SLC7A14: variants seen among roughly 807,000 people sequenced by gnomAD.
SLC7A14 encodes solute carrier family 7 member 14, also known as gamma-aminobutyric acid transporter SLC7A14.
A neutral mutation model predicts 60.2 loss-of-function variants in SLC7A14; 37 were observed. The ratio of observed to expected loss-of-function variants is 0.61; its 90% CI spans 0.47 to 0.81. The LOEUF is 0.81. SLC7A14 is among the 30% of genes least tolerant of loss of function. The pLI is 0.00. For missense variants in SLC7A14, 886 were observed against 982.7 expected (o/e 0.90, Z 1.32); for synonymous variants, 399 against 395.8 (o/e 1.01, Z -0.10).
At chr3:170,470,332 GTGTGTGTA>G (rs1287020690) in intron 7 of SLC7A14, among the ~76,000 whole-genome samples, 11 of 151,676 alleles carry the variant, frequency 7.3e-5, no homozygotes, top group Admixed American at 7.2e-4. Context: ...GTGTGTGTGT[GTGTGTGTA>G]TGTGTGTGTG....
At chr3:170,498,616 G>A (rs756248516) in intron 4 of SLC7A14, 51 bp downstream of exon 4, 4 of 1,566,404 alleles carry the variant, frequency 2.6e-6, no homozygotes, top group East Asian at 4.5e-5. Context: ...TGGTCACAGG[G>A]TAGAAGGCAG....
intron 5 of SLC7A14, 139 bp downstream of exon 5, chr3:170,486,083 T>G: frequency 2.8e-6 from 3 of 1,082,048 alleles, no homozygotes; most frequent in East Asian, 2.6e-5. Flanking sequence ...TTTCTTGTCA[T>G]GGGGAGTGGG....
At chr3:170,529,257 T>C (rs954294839) in intron 1 of SLC7A14, among the ~76,000 whole-genome samples, 1 of 152,222 alleles carries the variant, frequency 6.6e-6, no homozygotes, top group Admixed American at 6.5e-5. Flanking sequence ...TGAATGGACA[T>C]ATATATATGT....
intron 4 of SLC7A14, among the ~76,000 whole-genome samples, chr3:170,486,850 C>T (rs867298537): frequency 9.6e-5 from 13 of 136,114 alleles, no homozygotes; most frequent in Non-Finnish European, 1.5e-4. Context: ...CCAGCCTCGG[C>T]GACAGAGGGA....
intron 2 of SLC7A14, among the ~76,000 whole-genome samples, chr3:170,520,647 AT>A (rs1312142473): frequency 1.3e-5 from 2 of 152,234 alleles, no homozygotes; most frequent in Non-Finnish European, 1.5e-5. Context: ...CTGTGTATGC[AT>A]ACTGTTGTTG....
chr3:170,529,327 A>G (rs1713605557), intron 1 of SLC7A14, among the ~76,000 whole-genome samples: 1 of 152,216 alleles, frequency 6.6e-6, no homozygotes. Context: ...TGTTTTGCTT[A>G]ACAATATGTT....
intron 2 of SLC7A14, among the ~76,000 whole-genome samples, chr3:170,518,608 A>T (rs1713242025): frequency 6.6e-6 from 1 of 152,192 alleles, no homozygotes; most frequent in Non-Finnish European, 1.5e-5. Flanking sequence ...AGAGAATGAT[A>T]CCTAACCTTC....
At chr3:170,479,243 GGTTTAC>G (rs1417348021) in intron 7 of SLC7A14, among the ~76,000 whole-genome samples, 1 of 152,122 alleles carries the variant, frequency 6.6e-6, no homozygotes, top group Non-Finnish European at 1.5e-5. Flanking sequence ...CTTTAGGCAG[GGTTTAC>G]TCTTCTATTC....
At chr3:170,487,840 T>G (rs542616392) in intron 4 of SLC7A14, among the ~76,000 whole-genome samples, 2 of 152,340 alleles carry the variant, frequency 1.3e-5, no homozygotes, top group Non-Finnish European at 2.9e-5. Context: ...ACCTTCTAGT[T>G]GAATTAGCAT....
chr3:170,533,617 T>C (rs1360006613), intron 1 of SLC7A14, among the ~76,000 whole-genome samples: 1 of 151,670 alleles, frequency 6.6e-6, no homozygotes. Flanking sequence ...CATGACAGAG[T>C]GGTAAGGGAG....
chr3:170,534,399 C>G (rs1459324433), intron 1 of SLC7A14, among the ~76,000 whole-genome samples: 3 of 152,110 alleles, frequency 2.0e-5, no homozygotes, highest in Non-Finnish European at 4.4e-5. Context: ...ATGACCAAGC[C>G]CAAAGTTAGT....
intron 2 of SLC7A14, among the ~76,000 whole-genome samples, chr3:170,509,762 T>G (rs2108285039): frequency 6.6e-6 from 1 of 150,548 alleles, no homozygotes; most frequent in South Asian, 2.1e-4. Flanking sequence ...CTGACCAACA[T>G]GGAGAAACCT....
At chr3:170,492,463 C>A (rs1237519155) in intron 4 of SLC7A14, among the ~76,000 whole-genome samples, 1 of 152,070 alleles carries the variant, frequency 6.6e-6, no homozygotes, top group Non-Finnish European at 1.5e-5. Context: ...TGTGATCGCA[C>A]CACTGCACTC....
At chr3:170,550,375 T>C (rs1714307817) in intron 1 of SLC7A14, among the ~76,000 whole-genome samples, 1 of 152,018 alleles carries the variant, frequency 6.6e-6, no homozygotes, top group African/African-American at 2.4e-5. Flanking sequence ...CACTGAGATC[T>C]CAATAGCCAT....
At chr3:170,523,198 T>C (rs560730782) in intron 2 of SLC7A14, among the ~76,000 whole-genome samples, 1 of 152,360 alleles carries the variant, frequency 6.6e-6, no homozygotes, top group Non-Finnish European at 1.5e-5. Flanking sequence ...GAGAAACCGA[T>C]GTTCAGAGAA....
At chr3:170,496,621 G>A in intron 4 of SLC7A14, 1 of 1,542,524 alleles carries the variant, frequency 6.5e-7, no homozygotes, top group East Asian at 2.2e-5. Context: ...CTGCTGGAGG[G>A]CGAGGAGAGC....
At chr3:170,540,811 T>A (rs1476133165) in intron 1 of SLC7A14, among the ~76,000 whole-genome samples, 1 of 152,260 alleles carries the variant, frequency 6.6e-6, no homozygotes, top group African/African-American at 2.4e-5. Flanking sequence ...ATTCAACTGA[T>A]TAGTGCTTGC....
intron 2 of SLC7A14, among the ~76,000 whole-genome samples, chr3:170,510,500 T>A (rs1054196373): frequency 6.6e-6 from 1 of 152,218 alleles, no homozygotes; most frequent in Non-Finnish European, 1.5e-5. Context: ...TTATTGAAGG[T>A]ACAGTCTCTA....
At chr3:170,562,977 G>C (rs1220853653) in intron 1 of SLC7A14, among the ~76,000 whole-genome samples, 1 of 152,026 alleles carries the variant, frequency 6.6e-6, no homozygotes, top group African/African-American at 2.4e-5. Flanking sequence ...GGCCAGGCTG[G>C]TCTCAAACTT....
Sources: allele counts gnomAD v4.1 joint callset (sites outside exome capture counted in the v4.1 genomes callset), GRCh38; gene constraint gnomAD v4.1.1; transcripts MANE v1.5; gene names NCBI Gene and HGNC (gene_info 2026-07-23, HGNC 2026-07-21).